The following IFT52 variants were observed in gnomAD, a reference collection of about 807,000 sequenced individuals.
IFT52 encodes the protein intraflagellar transport protein 52 homolog.
In IFT52, 44 loss-of-function variants were observed where a neutral mutation model predicts 54.4. That is an observed-to-expected ratio of 0.81 (90% CI 0.63 to 1.04). The LOEUF (loss-of-function observed/expected upper bound fraction) is 1.04, where lower values mean the gene tolerates loss of function less well. IFT52 is among the 50% of genes least tolerant of loss of function. The pLI, the probability that IFT52 is intolerant of heterozygous loss-of-function variation, is 0.00. For missense variants in IFT52, 452 were observed against 523.6 expected (o/e 0.86, Z 1.33); for synonymous variants, 181 against 185.3 (o/e 0.98, Z 0.19).
intron 3 of IFT52, among the ~76,000 whole-genome samples, chr20:43,598,840 A>C (rs868110459): frequency 6.6e-6 from 1 of 152,200 alleles, no homozygotes; most frequent in South Asian, 2.1e-4. Flanking sequence ...GAGAATGGGA[A>C]GTACCTTTGT....
intron 8 of IFT52, 111 bp from the exon 9 acceptor site, chr20:43,620,746 G>A: frequency 1.3e-6 from 1 of 766,720 alleles, no homozygotes; most frequent in East Asian, 2.7e-5. Flanking sequence ...CTGAATCACT[G>A]GTTTAATCTT....
intron 10 of IFT52, among the ~76,000 whole-genome samples, chr20:43,635,018 AT>A (rs1234463235): frequency 3.3e-5 from 5 of 151,982 alleles, no homozygotes; most frequent in Admixed American, 6.5e-5. Flanking sequence ...AAATACAAAA[AT>A]TAGCTGGGTG....
intron 2 of IFT52, among the ~76,000 whole-genome samples, 164 bp downstream of exon 2, chr20:43,594,981 C>T (rs1360280209): frequency 6.6e-6 from 1 of 151,898 alleles, no homozygotes; most frequent in African/African-American, 2.4e-5. Context: ...ACCTGTAATC[C>T]CAGCAGTTTG....
Position 43,596,460 on chromosome 20 carries a change from A to G in IFT52, c.145A>G (p.Lys49Glu). The G allele has an allele frequency of 6.2e-7, 1 of 1,604,924 alleles. No homozygotes were observed. Among genetic ancestry groups the G allele is most frequent in the Non-Finnish European group, 8.5e-7 (1 of 1,174,108 alleles). ...QSLKDEITSE[K>E]LNGVKLWITA... The stretch of plus-strand genomic sequence containing the variant: ...CTTAAAAGATGAAATCACATCTGAG[A>G]AGTTAAATGGAGTGAAACTGTGGAT... The change falls in exon 3 of 14, where the codon AAG becomes GAG. Residue 49 changes from lysine to glutamate, a missense_variant. Physicochemically the swap from Lys to Glu is moderately conservative, Grantham distance 56 (BLOSUM62 1). Coordinates refer to ENST00000373030, the MANE Select transcript of IFT52 (RefSeq NM_016004.5).
chr20:43,614,516 T>C (rs949702865), intron 7 of IFT52, among the ~76,000 whole-genome samples: 1 of 151,654 alleles, frequency 6.6e-6, no homozygotes, highest in Non-Finnish European at 1.5e-5. Context: ...TGCTGTATTA[T>C]AACTTTTAAA....
chr20:43,591,531 C>T (rs1981517108), intron 1 of IFT52, among the ~76,000 whole-genome samples: 1 of 151,994 alleles, frequency 6.6e-6, no homozygotes, highest in Non-Finnish European at 1.5e-5. Context: ...GCTACTCTCA[C>T]CAGGGGCTGA....
intron 2 of IFT52, among the ~76,000 whole-genome samples, chr20:43,596,046 T>C (rs762028680): frequency 1.3e-5 from 2 of 152,252 alleles, no homozygotes; most frequent in Non-Finnish European, 2.9e-5. Flanking sequence ...ATATTTTGAC[T>C]CAGGTCAGTA....
intron 10 of IFT52, among the ~76,000 whole-genome samples, chr20:43,626,024 A>AG (rs1984690475): frequency 6.9e-6 from 1 of 145,898 alleles, no homozygotes; most frequent in African/African-American, 2.6e-5. Context: ...TGTCTCCGGA[A>AG]AAAAAAAAAA....
chr20:43,605,322 G>C (rs1982777226), intron 6 of IFT52: 8 of 881,868 alleles, frequency 9.1e-6, no homozygotes, highest in Non-Finnish European at 1.2e-5. Flanking sequence ...CGAGGTGGGT[G>C]GCCCACCTGA....
intron 12 of IFT52, among the ~76,000 whole-genome samples, chr20:43,637,530 T>C (rs1985630895): frequency 6.6e-6 from 1 of 152,248 alleles, no homozygotes; most frequent in Non-Finnish European, 1.5e-5. Flanking sequence ...CCCAGAGTGC[T>C]GGGATTACAG....
chr20:43,612,109 G>T (rs1326065275), intron 6 of IFT52, among the ~76,000 whole-genome samples: 2 of 152,114 alleles, frequency 1.3e-5, no homozygotes, highest in Non-Finnish European at 2.9e-5. Context: ...TATGCCTTGA[G>T]AATCATCTTC....
At chr20:43,622,745 ATGTAAATATAAATATATACAAATTG>A (rs1568768069) in intron 9 of IFT52, among the ~76,000 whole-genome samples, 184 of 126,774 alleles carry the variant, frequency 1.5e-3, no homozygotes, top group African/African-American at 5.2e-3. Flanking sequence ...ACATATTTTT[ATGTAAATATAAATATATACAAATTG>A]TGTGTAAATA....
rs1317213949 is a variant in IFT52 at position 43,604,250 on chromosome 20, C to T, written c.405C>T (p.Val135=). The T allele has an allele frequency of 6.2e-7, 1 of 1,606,842 alleles. No individual in the cohort carries two copies. The highest frequency in any genetic ancestry group is 1.7e-5 in the Admixed American group (1 of 59,986). The part of the protein sequence containing the change: ...HPKEALVSSG[V]LNREISRAAG... Reference sequence around the variant, plus strand: ...AAGAAGCTCTAGTTTCCAGTGGAGTCTTGAACAGGTAAGCATGTTGAAAGC... The same window carrying T: ...AAGAAGCTCTAGTTTCCAGTGGAGTTTTGAACAGGTAAGCATGTTGAAAGC... Residue 135 remains valine (V), a synonymous_variant, in exon 5 of 14, where the codon GTC becomes GTT. Coordinates refer to ENST00000373030, the MANE Select transcript of IFT52 (RefSeq NM_016004.5).
chr20:43,640,086 C>T (rs985689887), intron 12 of IFT52, among the ~76,000 whole-genome samples: 8 of 151,804 alleles, frequency 5.3e-5, no homozygotes, highest in African/African-American at 1.7e-4. Flanking sequence ...ATTGCTTGAG[C>T]CTAGGAAGTC....
Position 43,620,940 on chromosome 20 carries a change from AT to A in IFT52, c.768+17del. On this transcript the variant is annotated intron_variant, in intron 9 of 13. Coordinates refer to ENST00000373030, the MANE Select transcript of IFT52 (RefSeq NM_016004.5). ...AGGACCCAGAGGTAGACACCGAATT[AT>A]TAGAAACTTTTAAATGAAAAATGAG... 6.3e-7 allele frequency: 1 copy of A among 1,595,778 alleles called. No individual in the cohort carries two copies. Among genetic ancestry groups the A allele is most frequent in the Non-Finnish European group, 8.6e-7 (1 of 1,166,112 alleles).
intron 7 of IFT52, among the ~76,000 whole-genome samples, chr20:43,618,648 A>ATT (rs11471869): frequency 0.76 from 115,051 of 150,472 alleles, 44,166 homozygotes; most frequent in East Asian, 0.8. Context: ...CACCTGGCTG[A>ATT]TTTTTTTTTA....
In IFT52 at chr20:43,624,021, C is replaced by A; in HGVS notation, c.899C>A (p.Thr300Asn). 2 of 1,614,140 alleles carry A rather than the reference C, an allele frequency of 1.2e-6. No individual in the cohort carries two copies. Among genetic ancestry groups the A allele is most frequent in the Non-Finnish European group, 1.7e-6 (2 of 1,180,022 alleles). ...LFDLSIFQLD[T>N]TSFHSVIEAH... ...GACCTGTCCATCTTCCAGCTGGATACCACCTCCTTCCACAGCGTCATCGAG... is the reference window on the plus strand; with the variant it reads ...GACCTGTCCATCTTCCAGCTGGATAACACCTCCTTCCACAGCGTCATCGAG... The change falls in exon 10 of 14, where the codon ACC becomes AAC. Residue 300 changes from threonine to asparagine, a missense_variant. Coordinates refer to ENST00000373030, the MANE Select transcript of IFT52 (RefSeq NM_016004.5).
At chr20:43,606,577 G>A (rs1320397911) in intron 6 of IFT52, among the ~76,000 whole-genome samples, 1 of 151,776 alleles carries the variant, frequency 6.6e-6, no homozygotes, top group African/African-American at 2.4e-5. Context: ...ACAGTTTTGT[G>A]CACTTGTGGT....
intron 3 of IFT52, among the ~76,000 whole-genome samples, chr20:43,601,206 T>C (rs75169754): frequency 0.031 from 4,721 of 152,204 alleles, 218 homozygotes; most frequent in African/African-American, 0.095. Flanking sequence ...ATTAATATTA[T>C]GGTGATCCAG....
Sources: allele counts gnomAD v4.1 joint callset (sites outside exome capture counted in the v4.1 genomes callset), GRCh38; gene constraint gnomAD v4.1.1; transcripts MANE v1.5; gene names NCBI Gene and HGNC (gene_info 2026-07-23, HGNC 2026-07-21).